RBFOX2: variants seen among roughly 807,000 people sequenced by gnomAD.
RBFOX2 encodes RNA binding fox-1 homolog 2, also known as RNA binding protein fox-1 homolog 2.
In RBFOX2, 10 loss-of-function variants were observed where a neutral mutation model predicts 49.1. The observed-to-expected ratio is 0.20, with a 90% CI of 0.13 to 0.35. The LOEUF is 0.35. RBFOX2 is among the 10% of genes least tolerant of loss of function. The pLI is 1.00. For missense variants in RBFOX2, 323 were observed against 486.9 expected, an observed-to-expected ratio of 0.66 and a Z score of 3.17; for synonymous variants, 183 against 187.4, an observed-to-expected ratio of 0.98 and a Z score of 0.19.
At chr22:35,823,063 C>T (rs912712386) in intron 1 of RBFOX2, among the ~76,000 whole-genome samples, 8 of 152,074 alleles carry the variant, frequency 5.3e-5, no homozygotes, top group Admixed American at 2.6e-4. Flanking sequence ...TCAGGTGATC[C>T]GCCCGCCTCG....
chr22:35,984,480 T>G (rs1364798359), intron 1 of RBFOX2, among the ~76,000 whole-genome samples: 1 of 152,224 alleles, frequency 6.6e-6, no homozygotes, highest in Admixed American at 6.5e-5. Flanking sequence ...ATTGGAACCA[T>G]ACCCTTGTTT....
chr22:35,780,878 T>C (rs1228792632), intron 3 of RBFOX2, among the ~76,000 whole-genome samples: 2 of 152,234 alleles, frequency 1.3e-5, no homozygotes, highest in Non-Finnish European at 1.5e-5. Flanking sequence ...ATTCTCTACA[T>C]TGTGAATCTT....
chr22:35,775,860 A>AAAAAAAAAAAAAAAGAAC (rs1555896239), intron 4 of RBFOX2, among the ~76,000 whole-genome samples: 2 of 149,130 alleles, frequency 1.3e-5, no homozygotes, highest in African/African-American at 5.0e-5. Context: ...AAAAAAAAAA[A>AAAAAAAAAAAAAAAGAAC]AGAAAAGAAA....
chr22:35,805,622 T>G (rs1950596123), intron 2 of RBFOX2, among the ~76,000 whole-genome samples: 1 of 152,186 alleles, frequency 6.6e-6, no homozygotes, highest in Non-Finnish European at 1.5e-5. Flanking sequence ...TCATGGCCCT[T>G]GGTATTTACC....
rs564750696 is a variant in RBFOX2 at position 35,777,835 on chromosome 22, C to T, written c.453+190G>A. ...TTCTTACTTCATCACCCTTCCACCCCCATATAAGTATCAGAATAAAGTTTG... is the reference window on the plus strand; with the variant it reads ...TTCTTACTTCATCACCCTTCCACCCTCATATAAGTATCAGAATAAAGTTTG... On this transcript the variant is annotated intron_variant, in intron 4 of 11. Transcript: ENST00000405409. The T allele has an allele frequency of 1.8e-4, 106 of 598,248 alleles. No homozygotes were observed. The South Asian group carries it at 1.9e-3, about 11-fold the overall frequency. The allele number at this position is 598,248 out of a possible 1,614,324, so 37.1% of individuals were successfully genotyped here.
At chr22:35,838,507 G>C (rs1361528851) in intron 1 of RBFOX2, among the ~76,000 whole-genome samples, 1 of 152,124 alleles carries the variant, frequency 6.6e-6, no homozygotes. Context: ...CCCACAACTT[G>C]TACCAGCATC....
Position 35,921,328 on chromosome 22 carries a change from G to A in RBFOX2, c.-34+17519C>T, listed in dbSNP as rs2050997185. On this transcript the variant is annotated intron_variant, in intron 1 of 13. Transcript: ENST00000359369. ...TGGTTCTCAAGTTGAGTGTGTATAA[G>A]AATTACCAAAGCATGTTAAAACAGA... 2.0e-5 allele frequency among the ~76,000 whole-genome samples: 3 copies of A among 152,292 alleles called. No homozygotes were observed. In the South Asian group the frequency reaches 6.2e-4, roughly 32 times the overall value.
chr22:35,790,646 A>G (rs889290550), intron 2 of RBFOX2, among the ~76,000 whole-genome samples: 2 of 152,208 alleles, frequency 1.3e-5, no homozygotes, highest in Non-Finnish European at 2.9e-5. Flanking sequence ...AGATGCTAAC[A>G]TTAGGGGAAC....
chr22:35,805,648 C>A (rs1418539000), intron 2 of RBFOX2, among the ~76,000 whole-genome samples: 1 of 152,154 alleles, frequency 6.6e-6, no homozygotes, highest in African/African-American at 2.4e-5. Flanking sequence ...AAGTTCAAAA[C>A]TAAGTCCACA....
intron 1 of RBFOX2, among the ~76,000 whole-genome samples, chr22:35,828,369 G>A (rs991493210): frequency 6.6e-6 from 1 of 152,160 alleles, no homozygotes; most frequent in African/African-American, 2.4e-5. Flanking sequence ...AGAGAAGGAA[G>A]GACCCAGGCA....
At chr22:35,905,610 A>G (rs1452389995) in intron 1 of RBFOX2, among the ~76,000 whole-genome samples, 1 of 152,224 alleles carries the variant, frequency 6.6e-6, no homozygotes, top group Non-Finnish European at 1.5e-5. Context: ...CACAAATTCA[A>G]GAGTTCAGTC....
intron 4 of RBFOX2, among the ~76,000 whole-genome samples, chr22:35,774,469 T>C (rs1943419455): frequency 6.6e-6 from 1 of 152,150 alleles, no homozygotes; most frequent in East Asian, 1.9e-4. Context: ...CTGTTTCAGT[T>C]AATCAAAGAA....
upstream of RBFOX2, among the ~76,000 whole-genome samples, chr22:35,844,428 T>C (rs2040901664): frequency 6.6e-6 from 1 of 152,232 alleles, no homozygotes. Flanking sequence ...TATGTAGTTA[T>C]CAAAATATTA....
intron 10 of RBFOX2, 89 bp from the exon 13 acceptor site, chr22:35,746,084 T>A (rs1569208490): frequency 8.7e-7 from 1 of 1,155,132 alleles, no homozygotes; most frequent in South Asian, 1.3e-5. Flanking sequence ...GACTTGTGAG[T>A]CACTTGGTCT....
At chr22:35,938,690 T>A (rs538084275) in intron 1 of RBFOX2, among the ~76,000 whole-genome samples, 157 bp downstream of exon 2, 1 of 152,224 alleles carries the variant, frequency 6.6e-6, no homozygotes, top group Non-Finnish European at 1.5e-5. Context: ...TTTAAAAATA[T>A]GCTTAATTTA....
chr22:35,754,247 A>G (rs1260401767), intron 9 of RBFOX2, among the ~76,000 whole-genome samples: 1 of 151,274 alleles, frequency 6.6e-6, no homozygotes, highest in Non-Finnish European at 1.5e-5. Flanking sequence ...GCCCGCCACC[A>G]CGCCTGGCTA....
chr22:36,001,030 C>G (rs987066983), intron 1 of RBFOX2, among the ~76,000 whole-genome samples: 13 of 152,086 alleles, frequency 8.5e-5, no homozygotes, highest in Admixed American at 3.9e-4. Context: ...AAACTAAACC[C>G]AAGGTTTTCC....
chr22:35,856,590 CT>C (rs1365868371), intron 1 of RBFOX2, among the ~76,000 whole-genome samples: 1 of 145,208 alleles, frequency 6.9e-6, no homozygotes, highest in Non-Finnish European at 1.5e-5. Context: ...TAAGACAGAA[CT>C]TCAAAAAGAG....
intron 1 of RBFOX2, among the ~76,000 whole-genome samples, chr22:36,006,960 G>T (rs941138683): frequency 1.3e-5 from 2 of 151,958 alleles, no homozygotes; most frequent in African/African-American, 4.8e-5. Context: ...AAGTCCATTT[G>T]TTCATAAAAT....
Sources: allele counts gnomAD v4.1 joint callset (sites outside exome capture counted in the v4.1 genomes callset), GRCh38; gene constraint gnomAD v4.1.1; transcripts MANE v1.5; gene names NCBI Gene and HGNC (gene_info 2026-07-23, HGNC 2026-07-21).